ADAMTS13: variants seen among roughly 807,000 people sequenced by gnomAD.
The protein encoded by ADAMTS13 is A disintegrin and metalloproteinase with thrombospondin motifs 13.
A neutral mutation model predicts 155.1 loss-of-function variants in ADAMTS13; 110 were observed. The ratio of observed to expected loss-of-function variants is 0.71; its 90% CI spans 0.61 to 0.83. ADAMTS13 has a LOEUF of 0.83. ADAMTS13 is among the 40% of genes least tolerant of loss of function. The pLI, the probability that ADAMTS13 is intolerant of heterozygous loss-of-function variation, is 0.00. For synonymous variants in ADAMTS13, 758 were observed against 756.4 expected (o/e 1.00, Z -0.03); for missense variants, 1,707 against 1,891.7 (o/e 0.90, Z 1.81).
chr9:133,435,598 C>T (rs920759589), intron 11 of ADAMTS13, among the ~76,000 whole-genome samples: 4 of 150,656 alleles, frequency 2.7e-5, no homozygotes, highest in Non-Finnish European at 4.4e-5. Flanking sequence ...GGCGCGATCT[C>T]GGCTCACTCT....
chr9:133,456,882 G>C lies in ADAMTS13; in HGVS notation c.3724+163G>C. 1 of 885,224 alleles carries C rather than the reference G, an allele frequency of 1.1e-6. No individual in the cohort carries two copies. Among genetic ancestry groups the C allele is most frequent in the Non-Finnish European group, 1.8e-6 (1 of 552,778 alleles). The allele number at this position is 885,224 out of a possible 1,614,324, so 54.8% of individuals were successfully genotyped here. On this transcript the variant is annotated intron_variant, in intron 27 of 28. Transcript: ENST00000355699. This position sits in a 1 kb window ranked among gnomAD's most constrained non-coding sequence, Gnocchi z 4.4. The stretch of plus-strand genomic sequence containing the variant: ...GGGGTTGGCCAGTGTCAGTCTGCAC[G>C]TGCCAGGGAGGGGTCACAGGATGAA...
rs1842740433 is a variant in ADAMTS13, at chr9:133,456,316, C to T, written c.3547+101C>T. On this transcript the variant is annotated intron_variant, in intron 26 of 28. Transcript: ENST00000355699. The surrounding 1 kb of genome is among the most constrained non-coding windows in gnomAD (Gnocchi z 4.4). ...TTCCTGGCAGGAGCCCATGTGCATT[C>T]CCACCTGTAGTTTGCATCCCATCTC... is the stretch of plus-strand genomic sequence containing the variant. 3.8e-6 allele frequency: 6 copies of T among 1,563,830 alleles called. No individual in the cohort carries two copies. In the African/African-American group the frequency reaches 5.4e-5, roughly 14 times the overall value.
chr9:133,452,420 ATGT>A (rs1478770142), intron 23 of ADAMTS13, among the ~76,000 whole-genome samples: 1 of 151,964 alleles, frequency 6.6e-6, no homozygotes, highest in African/African-American at 2.4e-5. Flanking sequence ...ATTGTTTTAA[ATGT>A]TGTAGCTTTA....
At chr9:133,444,739 G>T (rs1177305981) in intron 19 of ADAMTS13, 124 bp from the exon 20 acceptor site, 7 of 961,008 alleles carry the variant, frequency 7.3e-6, no homozygotes, top group Non-Finnish European at 1.1e-5. Flanking sequence ...TCTCTGTGGG[G>T]CTCCTCTTTG....
At position 133,425,917 on chromosome 9, in the gene ADAMTS13, G is replaced by C. The variant is rs781787064; in HGVS notation, c.415-21G>C. 17 of 1,612,892 alleles carry C rather than the reference G, an allele frequency of 1.1e-5. No homozygotes were observed. The highest frequency in any genetic ancestry group is 7.6e-6 in the Non-Finnish European group (9 of 1,179,994). ...GCCTGGTTGGGGTGTCCTAAATGCA[G>C]GCTTTGCTGTGGGTCCGCAGGGTGC... On this transcript the variant is annotated intron_variant, in intron 4 of 28. Coordinates refer to ENST00000355699, the MANE Select transcript of ADAMTS13 (RefSeq NM_139027.6). This position sits in a 1 kb window ranked among gnomAD's most constrained non-coding sequence, Gnocchi z 4.6.
chr9:133,440,354 C>A lies in ADAMTS13; in HGVS notation c.1797C>A (p.Ile599=). Residue 599 remains isoleucine (I), a synonymous_variant, in exon 16 of 29, where the codon ATC becomes ATA. Coordinates refer to ENST00000355699, the MANE Select transcript of ADAMTS13 (RefSeq NM_139027.6). This position sits in a 1 kb window ranked among gnomAD's most constrained non-coding sequence, Gnocchi z 4.3. ...RPLFTHLAVR[I]GGRYVVAGKM... Reference sequence around the variant, plus strand: ...CTGGTTCCCCGACAGCGGTGAGGATCGGAGGGCGCTATGTCGTGGCTGGGA... The same window carrying A: ...CTGGTTCCCCGACAGCGGTGAGGATAGGAGGGCGCTATGTCGTGGCTGGGA... 1 of 1,613,962 alleles carries A rather than the reference C, an allele frequency of 6.2e-7. No homozygotes were observed. Among genetic ancestry groups the A allele is most frequent in the Non-Finnish European group, 8.5e-7 (1 of 1,180,022 alleles).
At chr9:133,418,606 C>G (rs1045982962), upstream of ADAMTS13, among the ~76,000 whole-genome samples, 1 of 152,184 alleles carries the variant, frequency 6.6e-6, no homozygotes, top group African/African-American at 2.4e-5. Context: ...CTTTTAAGGG[C>G]TTACAACCCT....
At chr9:133,416,315 A>AC (rs1839597975) in intron 1 of ADAMTS13, among the ~76,000 whole-genome samples, 1 of 152,112 alleles carries the variant, frequency 6.6e-6, no homozygotes, top group Admixed American at 6.5e-5. Context: ...TACCCCCATG[A>AC]CCCAATACCT....
rs140628579 is a variant in ADAMTS13, at chr9:133,438,352, C to A, written c.1691C>A (p.Ala564Asp). The change falls in exon 14 of 29, where the codon GCT (alanine) becomes GAT (aspartate). Residue 564 changes from alanine to aspartate, a missense_variant. Ala to Asp is a moderately radical substitution (Grantham distance 126). Coordinates refer to ENST00000355699, the MANE Select transcript of ADAMTS13 (RefSeq NM_139027.6). The stretch of plus-strand genomic sequence containing the variant: ...AGCCCACGGAAGGGCTCTTTCACAG[C>A]TGGCAGAGCGAGAGGTAGGCGGCCT... ...TCSPRKGSFT[A>D]GRAREYVTFL... 1.1e-4 allele frequency: 185 copies of A among 1,614,016 alleles called. 1 individual carries two copies. In the African/African-American group the frequency reaches 2.2e-3, roughly 19 times the overall value.
At chr9:133,454,752 G>T (rs1480437522) in intron 24 of ADAMTS13, 133 bp downstream of exon 24, 6 of 1,157,276 alleles carry the variant, frequency 5.2e-6, no homozygotes, top group Non-Finnish European at 7.3e-6. Context: ...TGCGCCCGTT[G>T]GTGAGGGGGC....
At chr9:133,444,795 G>A in intron 19 of ADAMTS13, 68 bp from the exon 20 acceptor site, 1 of 1,537,242 alleles carries the variant, frequency 6.5e-7, no homozygotes, top group Non-Finnish European at 8.8e-7. Context: ...CCTGCCCCTA[G>A]CAGCTGGGCT....
chr9:133,448,420 TTCTAAA>T (rs1013591720), intron 21 of ADAMTS13, among the ~76,000 whole-genome samples, 173 bp from the exon 22 acceptor site: 3 of 152,264 alleles, frequency 2.0e-5, no homozygotes, highest in Non-Finnish European at 4.4e-5. Flanking sequence ...TTATCTTTTT[TTCTAAA>T]TCTAAGATTC....
At position 133,440,569 on chromosome 9, in the gene ADAMTS13, G is replaced by A; in HGVS notation, c.1968+44G>A. On this transcript the variant is annotated intron_variant, in intron 16 of 28. Transcript: ENST00000355699. This position sits in a 1 kb window ranked among gnomAD's most constrained non-coding sequence, Gnocchi z 4.3. ...GGGAGGCCAGTGGGGGCTTCTTCTTGGGGGCTATGGCTGCTTGCTCGTTTG... is the reference window on the plus strand; with the variant it reads ...GGGAGGCCAGTGGGGGCTTCTTCTTAGGGGCTATGGCTGCTTGCTCGTTTG... 6.5e-7 allele frequency: 1 copy of A among 1,537,626 alleles called. No homozygotes were observed. The highest frequency in any genetic ancestry group is 8.8e-7 in the Non-Finnish European group (1 of 1,137,602).
chr9:133,441,209 G>T lies in ADAMTS13; in HGVS notation c.1968+684G>T, dbSNP rs1230058827. On this transcript the variant is annotated intron_variant, in intron 16 of 28. Coordinates refer to ENST00000355699, the MANE Select transcript of ADAMTS13 (RefSeq NM_139027.6). The surrounding 1 kb of genome is among the most constrained non-coding windows in gnomAD (Gnocchi z 5.0). ...AACAGACCTGAGAACCTTGGGAGAGGGGCCCAGTCTCAGCGGCCGGAGCAG... is the reference window on the plus strand; with the variant it reads ...AACAGACCTGAGAACCTTGGGAGAGTGGCCCAGTCTCAGCGGCCGGAGCAG... 3.3e-5 allele frequency among the ~76,000 whole-genome samples: 5 copies of T among 152,136 alleles called. No homozygotes were observed. Among genetic ancestry groups the T allele is most frequent in the Non-Finnish European group, 7.4e-5 (5 of 68,012 alleles).
chr9:133,436,880 GA>G lies in ADAMTS13; in HGVS notation c.1361del (p.Asp454AlafsTer43). 1 of 1,586,442 alleles carries G rather than the reference GA, an allele frequency of 6.3e-7. No homozygotes were observed. The highest frequency in any genetic ancestry group is 8.6e-7 in the Non-Finnish European group (1 of 1,167,532). On this transcript the variant is annotated frameshift_variant, in exon 12 of 29. Transcript: ENST00000355699. LOFTEE classifies it high-confidence loss of function. ...CATGTCGCAACAGTGCGCCAGGACC[GA>G]CGGCCAGCCGCTGCGCTCCTCCCCT... ...EFMSQQCART[D>X]GQPLRSSPGG...
chr9:133,445,011 G>A lies in ADAMTS13; in HGVS notation c.2569G>A (p.Glu857Lys). Residue 857 changes from glutamate to lysine, a missense_variant, in exon 20 of 29, where the codon GAG becomes AAG. Physicochemically the swap from Glu to Lys is moderately conservative, Grantham distance 56. Coordinates refer to ENST00000355699, the MANE Select transcript of ADAMTS13 (RefSeq NM_139027.6). The surrounding 1 kb of genome is among the most constrained non-coding windows in gnomAD (Gnocchi z 5.0). ...GSVDEKLPAPEPCVGMSCPPG... is the reference protein window; with the variant it reads ...GSVDEKLPAPKPCVGMSCPPG... Reference sequence around the variant, plus strand: ...CGTAGATGAGAAGCTGCCTGCCCCTGAGCCCTGTGTCGGGATGTCATGTCC... The same window carrying A: ...CGTAGATGAGAAGCTGCCTGCCCCTAAGCCCTGTGTCGGGATGTCATGTCC... 6.2e-7 allele frequency: 1 copy of A among 1,613,522 alleles called. No homozygotes were observed. The highest frequency in any genetic ancestry group is 8.5e-7 in the Non-Finnish European group (1 of 1,180,016).
Position 133,445,051 on chromosome 9 carries a change from A to C in ADAMTS13, c.2609A>C (p.His870Pro). 1 of 1,612,588 alleles carries C rather than the reference A, an allele frequency of 6.2e-7. No homozygotes were observed. Among genetic ancestry groups the C allele is most frequent in the African/African-American group, 1.3e-5 (1 of 75,038 alleles). Residue 870 changes from histidine to proline, a missense_variant and splice_region_variant, in exon 20 of 29, where the codon CAT becomes CCT. Physicochemically the swap from His to Pro is moderately conservative, Grantham distance 77. Transcript: ENST00000355699. This position sits in a 1 kb window ranked among gnomAD's most constrained non-coding sequence, Gnocchi z 5.0. ...VGMSCPPGWG[H>P]LDATSAGEKA... ...ATGTCATGTCCTCCAGGCTGGGGCCATGTGAGTGCCCTGGGCATGAGGGTG... is the reference window on the plus strand; with the variant it reads ...ATGTCATGTCCTCCAGGCTGGGGCCCTGTGAGTGCCCTGGGCATGAGGGTG...
In ADAMTS13 at chr9:133,459,080, T is replaced by C; in HGVS notation, c.4016T>C (p.Leu1339Pro). Residue 1339 changes from leucine (L) to proline (P), a missense_variant, in exon 29 of 29, where the codon CTG becomes CCG. Leu to Pro is a moderately conservative substitution (Grantham distance 98). Transcript: ENST00000355699. ...GAGATGGAGTTCAGCGAGGGCTTCC[T>C]GAAGGCTCAGGCCAGCCTGCGGGGC... The part of the protein sequence containing the change: ...QAEMEFSEGF[L>P]KAQASLRGQY... 6.2e-7 allele frequency: 1 copy of C among 1,612,948 alleles called. No homozygotes were observed. Among genetic ancestry groups the C allele is most frequent in the Non-Finnish European group, 8.5e-7 (1 of 1,179,934 alleles).
rs782644473 is a variant in ADAMTS13, at chr9:133,425,641, C to T, written c.414+29C>T. 4 of 1,607,662 alleles carry T rather than the reference C, an allele frequency of 2.5e-6. No homozygotes were observed. The highest frequency in any genetic ancestry group is 2.6e-6 in the Non-Finnish European group (3 of 1,176,360). Reference sequence around the variant, plus strand: ...GGCATGGAGCTGGAACTCAGCACACCATACAGAGCGGGAAGCCCAAGTCAT... The same window carrying T: ...GGCATGGAGCTGGAACTCAGCACACTATACAGAGCGGGAAGCCCAAGTCAT... On this transcript the variant is annotated intron_variant, in intron 4 of 28. Coordinates refer to ENST00000355699, the MANE Select transcript of ADAMTS13 (RefSeq NM_139027.6). The surrounding 1 kb of genome is among the most constrained non-coding windows in gnomAD (Gnocchi z 4.6).
Sources: allele counts gnomAD v4.1 joint callset (sites outside exome capture counted in the v4.1 genomes callset), GRCh38; gene constraint gnomAD v4.1.1; non-coding constraint Gnocchi (gnomAD v3.1); transcripts MANE v1.5; gene names NCBI Gene and HGNC (gene_info 2026-07-23, HGNC 2026-07-21).